Variants in KALRN observed in about 807,000 individuals in gnomAD.
The protein encoded by KALRN is kalirin RhoGEF kinase.
Under a neutral mutation model 353.7 loss-of-function variants are expected in KALRN, and 70 were observed. The observed-to-expected ratio is 0.20, with a 90% CI of 0.16 to 0.24. The LOEUF (loss-of-function observed/expected upper bound fraction) is 0.24, where lower values mean the gene tolerates loss of function less well. KALRN is among the 10% of genes least tolerant of loss of function. KALRN has a pLI of 1.00. For missense variants in KALRN, 2,791 were observed against 3,756.7 expected (o/e 0.74, Z 6.72); for synonymous variants, 1,391 against 1,434.8 (o/e 0.97, Z 0.69).
At chr3:124,107,498 AC>A (rs1187309917) in intron 1 of KALRN, among the ~76,000 whole-genome samples, 1 of 152,136 alleles carries the variant, frequency 6.6e-6, no homozygotes, top group Non-Finnish European at 1.5e-5. Flanking sequence ...AATTATAGAG[AC>A]TTTTCCCCAC....
chr3:124,584,717 C>CGG, intron 34 of KALRN: 1 of 1,487,188 alleles, frequency 6.7e-7, no homozygotes, highest in Non-Finnish European at 8.9e-7. Flanking sequence ...GCGGGGAGGG[C>CGG]GGGAGCCGGC....
At chr3:124,545,964 A>G (rs1465043717) in intron 33 of KALRN, among the ~76,000 whole-genome samples, 8 of 152,296 alleles carry the variant, frequency 5.3e-5, no homozygotes, top group African/African-American at 1.7e-4. Flanking sequence ...CACACATAGG[A>G]ATTTTTTCCG....
At chr3:124,674,246 C>T in intron 48 of KALRN, 118 bp from the exon 49 acceptor site, 1 of 951,286 alleles carries the variant, frequency 1.1e-6, no homozygotes, top group Non-Finnish European at 1.6e-6. Flanking sequence ...AGAATGCTGC[C>T]TGCTGCCTAC....
In KALRN at chr3:124,562,009, T is replaced by A. The variant is rs146625755; in HGVS notation, c.4936-834T>A. ...AGTAGGGGTTGTTCCTGTCAACCCCTTTTATTGCTTCTGCCCCAGGATCAG... is the reference window on the plus strand; with the variant it reads ...AGTAGGGGTTGTTCCTGTCAACCCCATTTATTGCTTCTGCCCCAGGATCAG... On this transcript the variant is annotated intron_variant, in intron 33 of 59. Coordinates refer to ENST00000682506, the MANE Select transcript of KALRN (RefSeq NM_001388419.1). 3.3e-3 allele frequency among the ~76,000 whole-genome samples: 507 copies of A among 152,302 alleles called. 2 individuals are homozygous for A. Among genetic ancestry groups the A allele is most frequent in the Non-Finnish European group, 3.3e-3 (224 of 68,020 alleles).
chr3:124,652,717 A>G (rs1329768181), intron 38 of KALRN, among the ~76,000 whole-genome samples: 1 of 152,112 alleles, frequency 6.6e-6, no homozygotes, highest in Non-Finnish European at 1.5e-5. Context: ...AGCTGGGACT[A>G]CAGGCACCCG....
chr3:124,130,224 G>A (rs1163899853), intron 1 of KALRN, among the ~76,000 whole-genome samples: 4 of 152,124 alleles, frequency 2.6e-5, no homozygotes, highest in Non-Finnish European at 5.9e-5. Context: ...CTGGGCTGCT[G>A]ATACCTTAGT....
chr3:124,042,972 G>A (rs555451769), intron 1 of KALRN, among the ~76,000 whole-genome samples: 3 of 152,310 alleles, frequency 2.0e-5, no homozygotes, highest in African/African-American at 4.8e-5. Flanking sequence ...TGTATATACA[G>A]GGGTATCTAC....
At chr3:124,546,645 AG>A (rs1186102913) in intron 33 of KALRN, among the ~76,000 whole-genome samples, 1 of 152,174 alleles carries the variant, frequency 6.6e-6, no homozygotes, top group African/African-American at 2.4e-5. Flanking sequence ...CTCACAATAT[AG>A]GGGATGGTCT....
intron 51 of KALRN, among the ~76,000 whole-genome samples, chr3:124,680,150 G>A (rs1440554444): frequency 1.3e-5 from 2 of 152,252 alleles, no homozygotes; most frequent in Admixed American, 1.3e-4. Flanking sequence ...TGAAGGAAAA[G>A]GAGCCCTGGG....
At chr3:124,470,561 C>T (rs1395735803) in intron 25 of KALRN, among the ~76,000 whole-genome samples, 1 of 152,080 alleles carries the variant, frequency 6.6e-6, no homozygotes, top group Non-Finnish European at 1.5e-5. Context: ...TTAGCTTTCT[C>T]CCCCTAAATT....
rs554038375 is a variant in KALRN, at chr3:124,377,926, A to G, written c.1771-6919A>G. On this transcript the variant is annotated intron_variant, in intron 10 of 59. Transcript: ENST00000682506. ...TTTTCTGTCCTTTTACTCTTACCCT[A>G]CTTGTGTCTTTGTACTTATAGTGCA... Among the ~76,000 whole-genome samples, 33 of 151,866 alleles carry G rather than the reference A, an allele frequency of 2.2e-4. No homozygotes were observed. The East Asian group carries it at 5.8e-3, about 27-fold the overall frequency.
At chr3:124,138,236 C>A (rs2066174979) in intron 1 of KALRN, among the ~76,000 whole-genome samples, 1 of 152,214 alleles carries the variant, frequency 6.6e-6, no homozygotes, top group Non-Finnish European at 1.5e-5. Flanking sequence ...AATCCTCTCT[C>A]CCTGCTGGAT....
chr3:124,589,119 A>T (rs1408853451), intron 34 of KALRN, among the ~76,000 whole-genome samples: 4 of 152,132 alleles, frequency 2.6e-5, no homozygotes, highest in Non-Finnish European at 4.4e-5. Context: ...TTTTATCTAT[A>T]ACTTTGTCTT....
intron 55 of KALRN, among the ~76,000 whole-genome samples, 154 bp from the exon 56 acceptor site, chr3:124,699,715 A>G (rs917113631): frequency 1.3e-5 from 2 of 152,204 alleles, no homozygotes; most frequent in Admixed American, 6.5e-5. Flanking sequence ...CCAAACTACC[A>G]TAGTTAGCCT....
intron 34 of KALRN, among the ~76,000 whole-genome samples, chr3:124,588,587 G>A (rs759340603): frequency 3.3e-5 from 5 of 152,052 alleles, no homozygotes; most frequent in Non-Finnish European, 7.4e-5. Context: ...ACCATGCCCG[G>A]CTAATTTTTT....
intron 2 of KALRN, 112 bp downstream of exon 2, chr3:124,228,176 A>G (rs1486712385): frequency 6.8e-6 from 6 of 884,328 alleles, no homozygotes; most frequent in Non-Finnish European, 1.2e-5. Context: ...TGGGGAAGTT[A>G]TGCTTGGGGC....
chr3:124,236,222 G>A (rs2079741791), intron 3 of KALRN, among the ~76,000 whole-genome samples: 1 of 152,072 alleles, frequency 6.6e-6, no homozygotes, highest in Non-Finnish European at 1.5e-5. Context: ...AAGGGATTTG[G>A]GTTATATCTG....
rs763640590 is a variant in KALRN, at chr3:124,496,302, T to C, written c.4833-9T>C. 6.9e-6 allele frequency: 11 copies of C among 1,600,174 alleles called. No individual in the cohort carries two copies. Among genetic ancestry groups the C allele is most frequent in the South Asian group, 3.3e-5 (3 of 90,700 alleles). ...CCCCACCCCTGTTTTTTTTCTCTTC[T>C]TCCTGCAGGGATGGAGTGGAGGATA... is the stretch of plus-strand genomic sequence containing the variant. On this transcript the variant is annotated splice_polypyrimidine_tract_variant and intron_variant, in intron 32 of 59. Transcript: ENST00000682506.
chr3:124,496,580 C>A (rs1297613690), intron 33 of KALRN, among the ~76,000 whole-genome samples, 167 bp downstream of exon 33: 3 of 152,094 alleles, frequency 2.0e-5, no homozygotes, highest in Non-Finnish European at 4.4e-5. Flanking sequence ...GAGGCATGTC[C>A]CAGCACGAGA....
Sources: gnomAD v4.1 joint callset for allele counts (sites outside exome capture counted in the v4.1 genomes callset) on GRCh38, gnomAD v4.1.1 for gene constraint, MANE v1.5 for transcripts, NCBI Gene and HGNC (gene_info 2026-07-23, HGNC 2026-07-21) for gene names.